Variants in PIK3C2G observed in about 807,000 individuals in gnomAD.
PIK3C2G encodes the protein phosphatidylinositol 3-kinase C2 domain-containing subunit gamma.
Under a neutral mutation model 181.1 loss-of-function variants are expected in PIK3C2G, and 168 were observed. The ratio of observed to expected loss-of-function variants is 0.93; its 90% confidence interval spans 0.82 to 1.05. The LOEUF (loss-of-function observed/expected upper bound fraction) is 1.05. PIK3C2G is among the 50% of genes least tolerant of loss of function. The pLI is 0.00. For synonymous variants in PIK3C2G, 573 were observed against 592.2 expected (o/e 0.97, Z 0.47); for missense variants, 1,869 against 1,732.8 (o/e 1.08, Z -1.40).
At chr12:18,337,924 A>G (rs569682283) in intron 8 of PIK3C2G, among the ~76,000 whole-genome samples, 10 of 152,298 alleles carry the variant, frequency 6.6e-5, no homozygotes, top group Non-Finnish European at 1.2e-4. Flanking sequence ...CTGGCTGTCC[A>G]GAGTTTGTTC....
chr12:18,619,849 C>G (rs575797590), intron 31 of PIK3C2G, among the ~76,000 whole-genome samples: 21 of 151,560 alleles, frequency 1.4e-4, no homozygotes, highest in African/African-American at 4.9e-4. Flanking sequence ...CTCAGCCTCC[C>G]GAGTAGCTGG....
intron 24 of PIK3C2G, among the ~76,000 whole-genome samples, chr12:18,535,737 T>C (rs1943816792): frequency 6.6e-6 from 1 of 152,150 alleles, no homozygotes; most frequent in African/African-American, 2.4e-5. Context: ...CTGTTACATA[T>C]AAAATTAAGA....
chr12:18,557,754 T>C (rs1945086021), intron 26 of PIK3C2G, among the ~76,000 whole-genome samples: 1 of 152,030 alleles, frequency 6.6e-6, no homozygotes, highest in African/African-American at 2.4e-5. Flanking sequence ...AAAGATCTAC[T>C]CATATATTAT....
At chr12:18,583,969 A>G (rs150168309) in intron 29 of PIK3C2G, among the ~76,000 whole-genome samples, 41 of 152,306 alleles carry the variant, frequency 2.7e-4, no homozygotes, top group African/African-American at 9.4e-4. Context: ...GAATCACAAT[A>G]AAATAATACA....
At chr12:18,676,777 T>C in the PIK3C2G span, among the ~76,000 whole-genome samples, 1 of 152,042 alleles carries the variant, frequency 6.6e-6, no homozygotes, top group Admixed American at 6.6e-5. Flanking sequence ...TAATAGGTGT[T>C]AGAAAAACTA....
intron 10 of PIK3C2G, among the ~76,000 whole-genome samples, chr12:18,345,560 C>T (rs964778384): frequency 8.5e-5 from 13 of 152,232 alleles, no homozygotes; most frequent in African/African-American, 3.1e-4. Context: ...TCAAGCTGGC[C>T]CCTTTCCTGA....
At chr12:18,379,610 A>G (rs1942697102) in intron 13 of PIK3C2G, among the ~76,000 whole-genome samples, 3 of 152,372 alleles carry the variant, frequency 2.0e-5, no homozygotes, top group South Asian at 4.1e-4. Context: ...AAACAAAATC[A>G]TAAAAGCAGA....
intron 15 of PIK3C2G, among the ~76,000 whole-genome samples, chr12:18,392,749 G>C (rs1206805517): frequency 6.6e-6 from 1 of 152,024 alleles, no homozygotes; most frequent in Admixed American, 6.6e-5. Flanking sequence ...ACTGGAAAAA[G>C]TAAGGAACCT....
intron 9 of PIK3C2G, among the ~76,000 whole-genome samples, chr12:18,342,080 G>C (rs942737009): frequency 6.6e-6 from 1 of 151,968 alleles, no homozygotes; most frequent in Non-Finnish European, 1.5e-5. Flanking sequence ...TGAAAATATG[G>C]TCTTGCACAT....
intron 5 of PIK3C2G, among the ~76,000 whole-genome samples, chr12:18,304,740 A>C (rs1393116147): frequency 6.6e-6 from 1 of 152,186 alleles, no homozygotes; most frequent in African/African-American, 2.4e-5. Context: ...GGGGAAGAAG[A>C]GTCTTTTTTC....
At chr12:18,575,049 T>C (rs1188929756) in intron 29 of PIK3C2G, among the ~76,000 whole-genome samples, 1 of 152,146 alleles carries the variant, frequency 6.6e-6, no homozygotes, top group African/African-American at 2.4e-5. Flanking sequence ...TGTGGTTTAA[T>C]GATAAATAGA....
the PIK3C2G span, among the ~76,000 whole-genome samples, chr12:18,704,296 T>C: frequency 6.6e-6 from 1 of 152,040 alleles, no homozygotes; most frequent in Non-Finnish European, 1.5e-5. Flanking sequence ...GACAAGAAAA[T>C]GAAAATTTGG....
At chr12:18,419,868 G>A (rs1365101736) in intron 16 of PIK3C2G, among the ~76,000 whole-genome samples, 2 of 152,052 alleles carry the variant, frequency 1.3e-5, no homozygotes, top group Admixed American at 1.3e-4. Context: ...ACTCGATGGC[G>A]GCATAGTTCC....
At chr12:18,679,407 A>G in the PIK3C2G span, among the ~76,000 whole-genome samples, 1 of 152,026 alleles carries the variant, frequency 6.6e-6, no homozygotes, top group Non-Finnish European at 1.5e-5. Context: ...TTTCTTCTAG[A>G]AGTTTCATAA....
At chr12:18,708,471 T>C in the PIK3C2G span, among the ~76,000 whole-genome samples, 3 of 152,210 alleles carry the variant, frequency 2.0e-5, no homozygotes, top group Non-Finnish European at 4.4e-5. Flanking sequence ...CAGTGAACAC[T>C]GCAGCACAAA....
intron 18 of PIK3C2G, among the ~76,000 whole-genome samples, chr12:18,474,265 T>C (rs1938751143): frequency 6.6e-6 from 1 of 152,152 alleles, no homozygotes; most frequent in South Asian, 2.1e-4. Context: ...CGTCCAACCA[T>C]GTTTCCAACT....
chr12:18,372,433 A>C (rs1002006425), intron 13 of PIK3C2G: 2 of 152,224 alleles, frequency 1.3e-5, no homozygotes, highest in Non-Finnish European at 2.9e-5. Context: ...ATAGGATTTC[A>C]AGGTCTATAA....
chr12:18,406,863 A>T (rs943422761), intron 16 of PIK3C2G, among the ~76,000 whole-genome samples: 1 of 152,166 alleles, frequency 6.6e-6, no homozygotes, highest in Non-Finnish European at 1.5e-5. Flanking sequence ...AGTGAAGGTG[A>T]GAATGAAGAA....
intron 18 of PIK3C2G, among the ~76,000 whole-genome samples, chr12:18,463,828 T>C (rs1164753238): frequency 6.6e-6 from 1 of 152,110 alleles, no homozygotes; most frequent in East Asian, 1.9e-4. Context: ...CTTTATATTA[T>C]CCATAAATGA....
Sources: allele counts gnomAD v4.1 joint callset (sites outside exome capture counted in the v4.1 genomes callset), GRCh38; gene constraint gnomAD v4.1.1; transcripts MANE v1.5; gene names NCBI Gene and HGNC (gene_info 2026-07-23, HGNC 2026-07-21).